Variants in SLC43A3 observed in about 807,000 individuals in gnomAD.
SLC43A3 encodes the protein solute carrier family 43 member 3.
SLC43A3 carries 33 observed loss-of-function variants against 53.3 expected under a neutral mutation model. The ratio of observed to expected loss-of-function variants is 0.62; its 90% CI spans 0.47 to 0.83. The LOEUF (loss-of-function observed/expected upper bound fraction) is 0.83, where lower values mean the gene tolerates loss of function less well. Among genes scored for constraint, SLC43A3 ranks in the 40% least tolerant of loss-of-function variants. The pLI is 0.00. For synonymous variants in SLC43A3, 236 were observed against 246.2 expected (o/e 0.96, Z 0.39); for missense variants, 530 against 610.0 (o/e 0.87, Z 1.38).
At chr11:57,427,219 C>T (rs1168547059), upstream of SLC43A3, 4 of 152,836 alleles carry the variant, frequency 2.6e-5, no homozygotes, top group African/African-American at 7.2e-5. Flanking sequence ...TCACTTCCTT[C>T]TTCTTTTCCC....
At position 57,409,200 on chromosome 11, in the gene SLC43A3, C is replaced by G; in HGVS notation, c.1346G>C (p.Gly449Ala). 1 of 1,614,170 alleles carries G rather than the reference C, an allele frequency of 6.2e-7. No individual in the cohort carries two copies. The highest frequency in any genetic ancestry group is 8.5e-7 in the Non-Finnish European group (1 of 1,180,014). ...LQFPIFTLIKGSLQNDPFYVN... is the reference protein window; with the variant it reads ...LQFPIFTLIKASLQNDPFYVN... The stretch of plus-strand genomic sequence containing the variant: ...GTAAAATGGGTCATTCTGAAGGGAG[C>G]CTTTGATGAGGGTGAAGATGGGGAA... Residue 449 changes from glycine (G) to alanine (A), a missense_variant, in exon 13 of 14, where the codon GGC (glycine) becomes GCC (alanine). Around this residue, in one of 3 missense-constraint regions of SLC43A3, gnomAD observed 124 missense variants for 166.4 expected, o/e 0.75. Transcript: ENST00000395124.
chr11:57,421,083 G>C lies in SLC43A3; in HGVS notation c.439-19C>G, dbSNP rs1311750036. 1.3e-6 allele frequency: 2 copies of C among 1,549,614 alleles called. No homozygotes were observed. Among genetic ancestry groups the C allele is most frequent in the Non-Finnish European group, 1.8e-6 (2 of 1,121,488 alleles). On this transcript the variant is annotated intron_variant, in intron 6 of 13. Transcript: ENST00000395124. ...TCCCAATCTGGGGATGATAGGACTA[G>C]CCTGGATCACTTATTTATTCATGAA... is the stretch of plus-strand genomic sequence containing the variant.
At position 57,410,000 on chromosome 11, in the gene SLC43A3, G is replaced by A. The variant is rs757145099; in HGVS notation, c.1182C>T (p.Thr394=). Residue 394 remains threonine (T), a synonymous_variant, in exon 12 of 14, where the codon ACC becomes ACT. Transcript: ENST00000395124. The part of the protein sequence containing the change: ...SVPILPLQYL[T]FILQVISRSF... ...AGCGGCTGATCACTTGCAGGATGAA[G>A]GTGAGGTACTGGAGAGGGAGGATGG... 86 of 1,613,230 alleles carry A rather than the reference G, an allele frequency of 5.3e-5. No individual in the cohort carries two copies. The highest frequency in any genetic ancestry group is 8.3e-5 in the Admixed American group (5 of 59,946).
intron 11 of SLC43A3, among the ~76,000 whole-genome samples, chr11:57,410,455 T>C (rs1180794597): frequency 6.6e-6 from 1 of 152,104 alleles, no homozygotes; most frequent in Non-Finnish European, 1.5e-5. Context: ...CCTGAACATG[T>C]AGCCAGATCC....
chr11:57,421,285 GA>G lies in SLC43A3; in HGVS notation c.438+11del. 6.2e-7 allele frequency: 1 copy of G among 1,608,430 alleles called. No individual in the cohort carries two copies. The highest frequency in any genetic ancestry group is 1.3e-5 in the African/African-American group (1 of 74,920). On this transcript the variant is annotated intron_variant, in intron 6 of 13. Coordinates refer to ENST00000395124, the MANE Select transcript of SLC43A3 (RefSeq NM_199329.3). ...ACCCTGCCGAGTGCCTGGGATTAGGGAAGGCTCCCACCTGCAGGTTGGTGAT... is the reference window on the plus strand; with the variant it reads ...ACCCTGCCGAGTGCCTGGGATTAGGGAGGCTCCCACCTGCAGGTTGGTGAT...
chr11:57,409,878 A>C, intron 12 of SLC43A3, 57 bp downstream of exon 12: 1 of 1,481,492 alleles, frequency 6.7e-7, no homozygotes, highest in Non-Finnish European at 9.0e-7. Context: ...CTTTACCTCC[A>C]GCTTCTCTTT....
chr11:57,417,498 G>A (rs984388090), intron 8 of SLC43A3, among the ~76,000 whole-genome samples: 1 of 152,206 alleles, frequency 6.6e-6, no homozygotes, highest in Non-Finnish European at 1.5e-5. Flanking sequence ...ATGTATGAAT[G>A]AGCCCTGTCA....
chr11:57,408,149 C>G (rs139922364), intron 13 of SLC43A3: 2 of 395,266 alleles, frequency 5.1e-6, no homozygotes, highest in Non-Finnish European at 9.3e-6. Flanking sequence ...AGAGGCCTAG[C>G]GAGCATTCAA....
chr11:57,415,407 C>A, intron 9 of SLC43A3: 2 of 1,378,600 alleles, frequency 1.5e-6, no homozygotes, highest in South Asian at 1.2e-5. Context: ...TCTTTCTCAG[C>A]GAGAAAGGTG....
Position 57,421,040 on chromosome 11 carries a change from G to A in SLC43A3, c.463C>T (p.Arg155Cys), listed in dbSNP as rs762689876. The A allele has an allele frequency of 3.1e-6, 5 of 1,613,500 alleles. No homozygotes were observed. The highest frequency in any genetic ancestry group is 1.7e-5 in the Admixed American group (1 of 60,014). The change falls in exon 7 of 14, where the codon CGT becomes TGT. Residue 155 changes from arginine to cysteine, a missense_variant. Physicochemically the swap from Arg to Cys is radical, Grantham distance 180. Transcript: ENST00000395124. ...TTGTACAGAGTGATGATGGTCGAAC[G>A]GTGTTGGCCAAATAGGTTCCCAATC... ...LQIGNLFGQH[R>C]STIITLYNGA...
At chr11:57,419,362 C>A (rs1942876847) in intron 7 of SLC43A3, among the ~76,000 whole-genome samples, 1 of 152,192 alleles carries the variant, frequency 6.6e-6, no homozygotes, top group Non-Finnish European at 1.5e-5. Flanking sequence ...CTAGCCCAAC[C>A]TCCTCCCATT....
chr11:57,409,421 AC>A, intron 12 of SLC43A3, 123 bp from the exon 13 acceptor site: 2 of 1,088,440 alleles, frequency 1.8e-6, no homozygotes, highest in Non-Finnish European at 2.7e-6. Flanking sequence ...CTGCCCTCCA[AC>A]CACACCTGTC....
chr11:57,414,895 G>C, intron 10 of SLC43A3, 38 bp downstream of exon 10: 1 of 1,607,882 alleles, frequency 6.2e-7, no homozygotes, highest in Non-Finnish European at 8.5e-7. Flanking sequence ...TCCCAGCTGG[G>C]ACATGCAGAT....
chr11:57,425,106 G>A (rs992043726), intron 4 of SLC43A3, among the ~76,000 whole-genome samples: 4 of 152,158 alleles, frequency 2.6e-5, no homozygotes, highest in East Asian at 3.8e-4. Context: ...GGGGAGGGGG[G>A]GCGGTGAGGA....
At chr11:57,424,871 G>A (rs1277143562) in intron 4 of SLC43A3, among the ~76,000 whole-genome samples, 1 of 152,174 alleles carries the variant, frequency 6.6e-6, no homozygotes, top group Non-Finnish European at 1.5e-5. Flanking sequence ...AGCTGTATCA[G>A]CCCCCAGCAG....
intron 12 of SLC43A3, 112 bp downstream of exon 12, chr11:57,409,823 C>T (rs1942369868): frequency 9.7e-7 from 1 of 1,028,734 alleles, no homozygotes. Context: ...CAAACCCAGT[C>T]TCCCGCACCT....
At chr11:57,411,160 T>G (rs1427812663) in intron 11 of SLC43A3, among the ~76,000 whole-genome samples, 1 of 152,206 alleles carries the variant, frequency 6.6e-6, no homozygotes, top group Non-Finnish European at 1.5e-5. Context: ...GAAAGTAAAC[T>G]TCTTTGAATA....
intron 4 of SLC43A3, among the ~76,000 whole-genome samples, chr11:57,425,102 G>A (rs752806475): frequency 3.3e-5 from 5 of 152,262 alleles, no homozygotes; most frequent in Admixed American, 2.0e-4. Context: ...GGGCGGGGAG[G>A]GGGGGCGGTG....
rs1385303259 is a variant in SLC43A3 at position 57,416,607 on chromosome 11, C to A, written c.735G>T (p.Glu245Asp). 5.0e-6 allele frequency: 8 copies of A among 1,613,984 alleles called. No individual in the cohort carries two copies. The highest frequency in any genetic ancestry group is 1.3e-5 in the African/African-American group (1 of 74,918). ...EKETAEHENR[E>D]LQSKEFLSAK... ...CTGAAAGGAACTCCTTTGACTGTAG[C>A]TCCCTGTTTTCATGCTCAGCTGTTT... Residue 245 changes from glutamate (E) to aspartate (D), a missense_variant, in exon 9 of 14, where the codon GAG (glutamate) becomes GAT (aspartate). This residue lies in a region of SLC43A3 where 376 missense variants were observed against 386.7 expected (regional missense o/e 0.97). Coordinates refer to ENST00000395124, the MANE Select transcript of SLC43A3 (RefSeq NM_199329.3).
Sources: gnomAD v4.1 joint callset for allele counts (sites outside exome capture counted in the v4.1 genomes callset) on GRCh38, gnomAD v4.1.1 for gene constraint, gnomAD v4.1.1 regional missense constraint, MANE v1.5 for transcripts, NCBI Gene and HGNC (gene_info 2026-07-23, HGNC 2026-07-21) for gene names.